Variants in DOCK1 observed in about 807,000 individuals in gnomAD.
DOCK1 encodes dedicator of cytokinesis 1.
DOCK1 carries 138 observed loss-of-function variants against 262.7 expected under a neutral mutation model. The observed-to-expected ratio is 0.53, with a 90% CI of 0.46 to 0.61. DOCK1 has a LOEUF of 0.61. DOCK1 is among the 20% of genes least tolerant of loss of function. The pLI is 0.00. For missense variants in DOCK1, 1,908 were observed against 2,370.7 expected, an observed-to-expected ratio of 0.80 and a Z score of 4.05; for synonymous variants, 866 against 867.4, an observed-to-expected ratio of 1.00 and a Z score of 0.03.
intron 31 of DOCK1, among the ~76,000 whole-genome samples, chr10:127,348,835 T>A (rs2063757234): frequency 6.6e-6 from 1 of 152,230 alleles, no homozygotes; most frequent in Non-Finnish European, 1.5e-5. Flanking sequence ...ATGCCATGCA[T>A]GCCGTTTTGC....
intron 23 of DOCK1, among the ~76,000 whole-genome samples, chr10:127,086,447 T>C (rs1323526836): frequency 2.0e-5 from 3 of 152,186 alleles, no homozygotes; most frequent in Non-Finnish European, 4.4e-5. Flanking sequence ...GCAGAATGAA[T>C]ACAAAAGAAG....
intron 22 of DOCK1, among the ~76,000 whole-genome samples, chr10:127,059,013 G>A (rs536843495): frequency 3.3e-5 from 5 of 151,974 alleles, no homozygotes; most frequent in South Asian, 2.1e-4. Context: ...TTTAGTGTTG[G>A]CCAGTTATGG....
rs193291876 is a variant in DOCK1, at chr10:127,412,049, G to A, written c.4428+1125G>A. ...ATGATCTCAGCTCACTGCAAGCTCC[G>A]CCTCCCAGGTTCACGCCATTCTCCT... On this transcript the variant is annotated intron_variant, in intron 43 of 51. Transcript: ENST00000623213. Among the ~76,000 whole-genome samples the A allele has an allele frequency of 1.8e-3, 272 of 151,654 alleles. 1 individual carries two copies. Among genetic ancestry groups the A allele is most frequent in the African/African-American group, 6.3e-3 (262 of 41,354 alleles).
Position 127,280,033 on chromosome 10 carries a change from T to TAA in DOCK1, c.3044+22605_3044+22606dup, listed in dbSNP as rs1554939163. The stretch of plus-strand genomic sequence containing the variant: ...TCATATATATATATATATATATATA[T>TAA]AATTTTTTTTTTTTTTTTTGAGACG... On this transcript the variant is annotated intron_variant, in intron 29 of 51. Transcript: ENST00000623213. Among the ~76,000 whole-genome samples, 437 of 107,262 alleles carry TAA rather than the reference T, an allele frequency of 4.1e-3. 3 individuals are homozygous for TAA. The highest frequency in any genetic ancestry group is 0.015 in the African/African-American group (421 of 28,846). The allele number at this position is 107,262 out of a possible 152,430, so 70.4% of individuals were successfully genotyped here.
intron 1 of DOCK1, among the ~76,000 whole-genome samples, chr10:126,966,703 G>A (rs967723378): frequency 1.3e-5 from 2 of 152,132 alleles, no homozygotes; most frequent in African/African-American, 2.4e-5. Flanking sequence ...CTCTGATAAG[G>A]CACAGCTGCA....
chr10:127,384,255 A>G (rs555298275), intron 37 of DOCK1, among the ~76,000 whole-genome samples: 53 of 152,284 alleles, frequency 3.5e-4, no homozygotes, highest in Admixed American at 1.6e-3. Context: ...CGACTGCACC[A>G]ATGCTTCCAG....
chr10:127,027,839 C>T (rs1413360228), intron 16 of DOCK1, among the ~76,000 whole-genome samples: 1 of 152,038 alleles, frequency 6.6e-6, no homozygotes, highest in Non-Finnish European at 1.5e-5. Context: ...AGAGCAAATG[C>T]ACGAGCACGG....
At chr10:127,016,319 C>G (rs112738894) in intron 12 of DOCK1, among the ~76,000 whole-genome samples, 39 of 152,242 alleles carry the variant, frequency 2.6e-4, no homozygotes, top group South Asian at 4.2e-4. Flanking sequence ...AAAACATCAT[C>G]AGTGACTTTT....
chr10:126,951,918 C>T (rs1020553137), intron 1 of DOCK1, among the ~76,000 whole-genome samples: 10 of 148,394 alleles, frequency 6.7e-5, no homozygotes, highest in South Asian at 2.1e-4. Context: ...GGTGCGATCT[C>T]GGCTCACTGC....
At chr10:127,450,743 G>A (rs2070903936) in intron 51 of DOCK1, among the ~76,000 whole-genome samples, 1 of 152,152 alleles carries the variant, frequency 6.6e-6, no homozygotes. Context: ...ATGCCCATGA[G>A]CTGAAGCCAG....
intron 38 of DOCK1, among the ~76,000 whole-genome samples, chr10:127,399,073 C>T (rs1590892943): frequency 6.6e-6 from 1 of 152,304 alleles, no homozygotes; most frequent in South Asian, 2.1e-4. Context: ...CTCAAGAGAA[C>T]ACGTCTCGTA....
intron 29 of DOCK1, among the ~76,000 whole-genome samples, chr10:127,293,816 C>G (rs2061420095): frequency 6.6e-6 from 1 of 152,172 alleles, no homozygotes; most frequent in South Asian, 2.1e-4. Context: ...AAAAAGAAAC[C>G]AACACAAAAG....
At chr10:127,017,606 C>T (rs578095409) in intron 12 of DOCK1, among the ~76,000 whole-genome samples, 4 of 151,906 alleles carry the variant, frequency 2.6e-5, no homozygotes, top group South Asian at 2.1e-4. Flanking sequence ...CACAGACATA[C>T]GCACAGCCAC....
At chr10:127,041,716 ACTT>A (rs1372470781) in intron 19 of DOCK1, among the ~76,000 whole-genome samples, 1 of 152,186 alleles carries the variant, frequency 6.6e-6, no homozygotes, top group Non-Finnish European at 1.5e-5. Flanking sequence ...GTTCTTGCCC[ACTT>A]CTTATTAGTC....
chr10:127,096,188 A>G (rs755766806), intron 23 of DOCK1, among the ~76,000 whole-genome samples: 7 of 152,198 alleles, frequency 4.6e-5, no homozygotes, highest in Non-Finnish European at 5.9e-5. Context: ...CACACACCAT[A>G]GAGATGCCTC....
chr10:126,957,403 G>A (rs1591444798), intron 1 of DOCK1, among the ~76,000 whole-genome samples: 1 of 152,130 alleles, frequency 6.6e-6, no homozygotes, highest in African/African-American at 2.4e-5. Context: ...TCCCATCAAA[G>A]TGGAAATTCC....
intron 1 of DOCK1, among the ~76,000 whole-genome samples, chr10:126,956,902 GA>G (rs1295436255): frequency 6.6e-6 from 1 of 152,110 alleles, no homozygotes; most frequent in Non-Finnish European, 1.5e-5. Flanking sequence ...CACCAGCCTT[GA>G]AAATGGGCAT....
chr10:127,198,380 T>C (rs778447585), intron 27 of DOCK1, among the ~76,000 whole-genome samples: 12 of 152,238 alleles, frequency 7.9e-5, no homozygotes, highest in Non-Finnish European at 1.2e-4. Flanking sequence ...TTAAAGTGAC[T>C]GTAAATAAAG....
chr10:127,156,548 TTCTTCTTCTTCTTC>T lies in DOCK1; in HGVS notation c.2847+28786_2847+28799del, dbSNP rs1371732173. On this transcript the variant is annotated intron_variant, in intron 27 of 51. Coordinates refer to ENST00000623213, the MANE Select transcript of DOCK1 (RefSeq NM_001290223.2). The stretch of plus-strand genomic sequence containing the variant: ...TTCTTTTCTCTTTTTCTTCTTCTTC[TTCTTCTTCTTCTTC>T]TTTTTTTTTTTTTTTTTTTTTTGAG... 9.0e-3 allele frequency among the ~76,000 whole-genome samples: 838 copies of T among 93,406 alleles called. 23 individuals are homozygous for T. Among genetic ancestry groups the T allele is most frequent in the African/African-American group, 0.03 (791 of 26,398 alleles). The allele number at this position is 93,406 out of a possible 152,430, so 61.3% of individuals were successfully genotyped here.
Sources: allele counts gnomAD v4.1 joint callset (sites outside exome capture counted in the v4.1 genomes callset), GRCh38; gene constraint gnomAD v4.1.1; transcripts MANE v1.5; gene names NCBI Gene and HGNC (gene_info 2026-07-23, HGNC 2026-07-21).